FABP3: variants seen among roughly 807,000 people sequenced by gnomAD.
The protein encoded by FABP3 is fatty acid binding protein 3.
FABP3 carries 8 observed loss-of-function variants against 13.4 expected under a neutral mutation model. The ratio of observed to expected loss-of-function variants is 0.60; its 90% CI spans 0.35 to 1.07. FABP3 has a LOEUF of 1.07. Among genes scored for constraint, FABP3 ranks in the 50% least tolerant of loss-of-function variants. FABP3 has a pLI of 0.02. For synonymous variants in FABP3, 64 were observed against 60.0 expected (o/e 1.07, Z -0.31); for missense variants, 135 against 164.7 (o/e 0.82, Z 0.99).
Position 31,365,388 on chromosome 1 carries a change from A to G in FABP3, c.*498T>C, listed in dbSNP as rs896431738. ...GCCTGAAGTGACAGTTCAATAGCCA[A>G]ACCTGGGGAAGCCCCATCACTGACT... On this transcript the variant is annotated 3_prime_UTR_variant, in exon 4 of 4. Transcript: ENST00000373713. 3.3e-5 allele frequency among the ~76,000 whole-genome samples: 5 copies of G among 152,238 alleles called. No homozygotes were observed. Among genetic ancestry groups the G allele is most frequent in the Non-Finnish European group, 5.9e-5 (4 of 68,042 alleles).
At chr1:31,368,185 G>A (rs1640144929) in intron 2 of FABP3, among the ~76,000 whole-genome samples, 1 of 152,184 alleles carries the variant, frequency 6.6e-6, no homozygotes, top group African/African-American at 2.4e-5. Flanking sequence ...GAGTTTGGGG[G>A]CCACAAGGCC....
intron 2 of FABP3, among the ~76,000 whole-genome samples, chr1:31,367,922 A>G (rs886649362): frequency 6.6e-6 from 1 of 152,234 alleles, no homozygotes; most frequent in African/African-American, 2.4e-5. Flanking sequence ...ATCTTTATCC[A>G]GCCTTGTGGT....
intron 3 of FABP3, 70 bp downstream of exon 3, chr1:31,367,323 T>C: frequency 7.4e-7 from 1 of 1,343,712 alleles, no homozygotes; most frequent in Non-Finnish European, 1.1e-6. Flanking sequence ...CTTGGCTTTT[T>C]AGAACAGGCT....
In FABP3 at chr1:31,372,948, A is replaced by T; in HGVS notation, c.67T>A (p.Ser23Thr). ...AGCCCCGCGGCTTGCTCACCGAGTG[A>T]CTTCATGTAGTCATCGAAATTCTTG... The part of the protein sequence containing the change: ...DSKNFDDYMK[S>T]LGVGFATRQV... The change falls in exon 1 of 4, where the codon TCA (serine) becomes ACA (threonine). Residue 23 changes from serine (S) to threonine (T), a missense_variant. Transcript: ENST00000373713. 3.7e-6 allele frequency: 6 copies of T among 1,613,432 alleles called. No homozygotes were observed. The highest frequency in any genetic ancestry group is 1.7e-5 in the Admixed American group (1 of 60,030).
chr1:31,366,057 T>C, intron 3 of FABP3, 118 bp from the exon 4 acceptor site: 3 of 732,148 alleles, frequency 4.1e-6, no homozygotes, highest in East Asian at 2.7e-5. Context: ...CGGCTATATG[T>C]ATGTATGTGT....
downstream of FABP3, chr1:31,364,559 G>A (rs1640059758): frequency 4.2e-6 from 1 of 236,512 alleles, no homozygotes; most frequent in Admixed American, 5.0e-5. Flanking sequence ...TTGTGGAGGT[G>A]AGTTCGGCTG....
intron 3 of FABP3, among the ~76,000 whole-genome samples, chr1:31,366,516 C>T (rs559295541): frequency 6.6e-6 from 1 of 152,246 alleles, no homozygotes; most frequent in Admixed American, 6.5e-5. Flanking sequence ...CACCTCATTC[C>T]AAACTTCAAG....
downstream of FABP3, chr1:31,364,211 G>T (rs971999515): frequency 1.5e-5 from 24 of 1,603,130 alleles, no homozygotes; most frequent in Non-Finnish European, 1.9e-5. Context: ...AAGAGTGTAG[G>T]GGGTGGTTGA....
In FABP3 at chr1:31,371,201, T is replaced by C. The variant is rs141192622; in HGVS notation, c.74-1644A>G. ...GGGGCAGGGGCTGCCTCTGCTGTTA[T>C]GCTGTCAGCCCACCCTTGCTTGGCC... On this transcript the variant is annotated intron_variant, in intron 1 of 3. Transcript: ENST00000373713. Among the ~76,000 whole-genome samples the C allele has an allele frequency of 5.5e-4, 84 of 152,208 alleles. 1 individual carries two copies. The highest frequency in any genetic ancestry group is 3.9e-4 in the Admixed American group (6 of 15,280).
intron 3 of FABP3, among the ~76,000 whole-genome samples, chr1:31,367,081 A>G (rs1640126056): frequency 1.3e-5 from 2 of 152,222 alleles, no homozygotes; most frequent in Non-Finnish European, 2.9e-5. Flanking sequence ...TGTGCTGTGC[A>G]TACACTGTCT....
At chr1:31,359,813 T>C in the FABP3 span, among the ~76,000 whole-genome samples, 2 of 152,144 alleles carry the variant, frequency 1.3e-5, no homozygotes, top group Non-Finnish European at 2.9e-5. Context: ...CTGTTTTATG[T>C]TTAATTTTCT....
At chr1:31,370,103 C>CTAAAAA (rs1553128249) in intron 1 of FABP3, among the ~76,000 whole-genome samples, 1 of 139,282 alleles carries the variant, frequency 7.2e-6, no homozygotes, top group African/African-American at 2.7e-5. Context: ...GATTCCACCT[C>CTAAAAA]AAAAAAAAAA....
At chr1:31,371,502 G>T (rs1049104542) in intron 1 of FABP3, among the ~76,000 whole-genome samples, 6 of 152,182 alleles carry the variant, frequency 3.9e-5, no homozygotes, top group Non-Finnish European at 7.3e-5. Flanking sequence ...GCTGAGGAGG[G>T]TATTTTCCCA....
In FABP3 at chr1:31,365,727, A is replaced by G; in HGVS notation, c.*159T>C. The G allele has an allele frequency of 1.6e-6, 1 of 637,744 alleles. No individual in the cohort carries two copies. The highest frequency in any genetic ancestry group is 2.7e-6 in the Non-Finnish European group (1 of 366,164). 39.5% of individuals were successfully genotyped at this position (637,744 alleles called of 1,614,324 possible). ...GTTAAAAAAAAAAAAAAAAAACCAC[A>G]TACACCATGGGAACTGGAACTGGAT... On this transcript the variant is annotated 3_prime_UTR_variant, in exon 4 of 4. Transcript: ENST00000373713.
intron 2 of FABP3, 26 bp from the exon 3 acceptor site, chr1:31,367,520 G>C: frequency 6.3e-7 from 1 of 1,589,860 alleles, no homozygotes; most frequent in Non-Finnish European, 8.6e-7. Flanking sequence ...AGAGGCCTGA[G>C]CTGTGATCTT....
At chr1:31,369,109 G>A in intron 2 of FABP3, 2 of 397,122 alleles carry the variant, frequency 5.0e-6, no homozygotes, top group Non-Finnish European at 4.6e-6. Context: ...AGTAGATACT[G>A]AGGTCAGAAG....
Position 31,369,535 on chromosome 1 carries a change from C to G in FABP3, c.96G>C (p.Gln32His). 1 of 1,614,094 alleles carries G rather than the reference C, an allele frequency of 6.2e-7. No individual in the cohort carries two copies. The highest frequency in any genetic ancestry group is 1.3e-5 in the African/African-American group (1 of 75,034). ...KSLGVGFATR[Q>H]VASMTKPTTI... Reference sequence around the variant, plus strand: ...TGGTAGGCTTGGTCATGCTGGCCACCTGCCTGGTAGCAAAACCCACACCTG... The same window carrying G: ...TGGTAGGCTTGGTCATGCTGGCCACGTGCCTGGTAGCAAAACCCACACCTG... The change falls in exon 2 of 4, where the codon CAG becomes CAC. Residue 32 changes from glutamine to histidine, a missense_variant. Coordinates refer to ENST00000373713, the MANE Select transcript of FABP3 (RefSeq NM_004102.5).
intron 3 of FABP3, among the ~76,000 whole-genome samples, chr1:31,366,767 A>G (rs1198798166): frequency 6.6e-6 from 1 of 152,170 alleles, no homozygotes; most frequent in African/African-American, 2.4e-5. Flanking sequence ...GCAGTAGTCA[A>G]GTAGTTTCAG....
chr1:31,360,528 G>A (rs1305290693), downstream of FABP3, among the ~76,000 whole-genome samples: 2 of 152,180 alleles, frequency 1.3e-5, no homozygotes, highest in Non-Finnish European at 2.9e-5. Flanking sequence ...AGACACGTAG[G>A]GAAAATGACG....
Sources: allele counts gnomAD v4.1 joint callset (sites outside exome capture counted in the v4.1 genomes callset), GRCh38; gene constraint gnomAD v4.1.1; transcripts MANE v1.5; gene names NCBI Gene and HGNC (gene_info 2026-07-23, HGNC 2026-07-21).